CCDC171: variants seen among roughly 807,000 people sequenced by gnomAD.
CCDC171 encodes coiled-coil domain-containing protein 171.
In CCDC171, 177 loss-of-function variants were observed where a neutral mutation model predicts 168.2. The ratio of observed to expected loss-of-function variants is 1.05; its 90% CI spans 0.93 to 1.19. CCDC171 has a LOEUF of 1.19. Ranked by LOEUF, CCDC171 falls within the 50% of genes most tolerant of loss-of-function variation. CCDC171 has a pLI of 0.00. For missense variants in CCDC171, 1,991 were observed against 1,539.0 expected, an observed-to-expected ratio of 1.29 and a Z score of -4.91; for synonymous variants, 687 against 540.8, an observed-to-expected ratio of 1.27 and a Z score of -3.75.
chr9:15,754,622 T>G (rs939598188), intron 18 of CCDC171, among the ~76,000 whole-genome samples: 2 of 152,130 alleles, frequency 1.3e-5, no homozygotes, highest in Non-Finnish European at 2.9e-5. Context: ...GGCAATACTT[T>G]AGGGTTAAGC....
At chr9:15,679,532 C>T (rs570682258) in intron 10 of CCDC171, among the ~76,000 whole-genome samples, 2 of 152,176 alleles carry the variant, frequency 1.3e-5, no homozygotes, top group East Asian at 3.9e-4. Flanking sequence ...TTAGAGTGCT[C>T]CTTGTTTTCT....
chr9:15,569,731 C>G (rs2040049888), intron 2 of CCDC171, among the ~76,000 whole-genome samples: 1 of 151,498 alleles, frequency 6.6e-6, no homozygotes, highest in Admixed American at 6.6e-5. Context: ...AGGAGAATGG[C>G]GTGAACCCGG....
At chr9:15,728,925 C>T (rs1202644513) in intron 15 of CCDC171, among the ~76,000 whole-genome samples, 4 of 151,928 alleles carry the variant, frequency 2.6e-5, no homozygotes, top group Non-Finnish European at 5.9e-5. Flanking sequence ...TATTATTGAG[C>T]ATTTTATCTT....
intron 18 of CCDC171, among the ~76,000 whole-genome samples, chr9:15,773,017 A>G (rs893981420): frequency 6.6e-6 from 1 of 151,900 alleles, no homozygotes; most frequent in African/African-American, 2.4e-5. Context: ...TTATTACAAT[A>G]TTAGTAATTA....
intron 7 of CCDC171, 60 bp downstream of exon 7, chr9:15,623,473 G>GCTCACACACACACA: frequency 2.2e-6 from 1 of 464,174 alleles, no homozygotes; most frequent in Non-Finnish European, 3.6e-6. Context: ...ATGCGCGCGC[G>GCTCACACACACACA]CGCACACACA....
At chr9:16,073,138 G>C in the CCDC171 span, among the ~76,000 whole-genome samples, 33 of 152,324 alleles carry the variant, frequency 2.2e-4, no homozygotes, top group East Asian at 6.4e-3. Flanking sequence ...GATTGGAACT[G>C]AAGACTGGGT....
downstream of CCDC171, among the ~76,000 whole-genome samples, chr9:16,064,608 A>G (rs554821517): frequency 2.3e-4 from 35 of 152,250 alleles, no homozygotes; most frequent in African/African-American, 7.9e-4. Flanking sequence ...CTTGGCTCTC[A>G]ATGAGGATCT....
At chr9:15,806,814 T>C (rs534842143) in intron 21 of CCDC171, among the ~76,000 whole-genome samples, 6 of 152,320 alleles carry the variant, frequency 3.9e-5, no homozygotes, top group African/African-American at 7.2e-5. Context: ...TCTTGAAATA[T>C]GTTTCCTGAC....
rs1340733925 is a variant in CCDC171 at position 15,820,486 on chromosome 9, T to G, written c.3268-26216T>G. On this transcript the variant is annotated intron_variant, in intron 21 of 25. Coordinates refer to ENST00000380701, the MANE Select transcript of CCDC171 (RefSeq NM_173550.4). ...AGAGAGAAGAATCAAATAGATGCAATAAAAAATGATAAAGGGGATATCACC... is the reference window on the plus strand; with the variant it reads ...AGAGAGAAGAATCAAATAGATGCAAGAAAAAATGATAAAGGGGATATCACC... 6.9e-5 allele frequency among the ~76,000 whole-genome samples: 8 copies of G among 115,530 alleles called. 1 individual carries two copies. Among genetic ancestry groups the G allele is most frequent in the African/African-American group, 1.3e-4 (4 of 30,412 alleles). The allele number at this position is 115,530 out of a possible 152,430, so 75.8% of individuals were successfully genotyped here.
At chr9:15,643,023 A>G (rs1051251648) in intron 7 of CCDC171, among the ~76,000 whole-genome samples, 5 of 152,096 alleles carry the variant, frequency 3.3e-5, no homozygotes, top group Non-Finnish European at 7.4e-5. Flanking sequence ...TAAAATTGTT[A>G]GCCTTGTTTT....
At chr9:15,699,420 C>G (rs1347348898) in intron 11 of CCDC171, among the ~76,000 whole-genome samples, 1 of 152,070 alleles carries the variant, frequency 6.6e-6, no homozygotes, top group Non-Finnish European at 1.5e-5. Flanking sequence ...TGGAAGGGGA[C>G]CCGAGCGGGT....
chr9:15,963,175 C>T (rs1830503909), intron 25 of CCDC171, among the ~76,000 whole-genome samples: 1 of 151,928 alleles, frequency 6.6e-6, no homozygotes. Flanking sequence ...ACACCGGGGC[C>T]TGTTGTGGGG....
At chr9:15,835,693 C>T (rs2060415594) in intron 21 of CCDC171, among the ~76,000 whole-genome samples, 1 of 152,164 alleles carries the variant, frequency 6.6e-6, no homozygotes, top group Non-Finnish European at 1.5e-5. Context: ...TCCCAAGGTG[C>T]TGGGATTACA....
intron 7 of CCDC171, among the ~76,000 whole-genome samples, chr9:15,640,037 C>A (rs1352310250): frequency 6.6e-5 from 10 of 152,056 alleles, no homozygotes; most frequent in Admixed American, 6.6e-5. Flanking sequence ...AGTAGGTACT[C>A]TATAAATGTT....
intron 11 of CCDC171, among the ~76,000 whole-genome samples, chr9:15,721,173 G>T (rs1460829400): frequency 6.6e-6 from 1 of 152,142 alleles, no homozygotes; most frequent in Non-Finnish European, 1.5e-5. Flanking sequence ...TGTAGGCTAT[G>T]TAGATAATAG....
At chr9:15,868,611 A>C (rs1407965902) in intron 23 of CCDC171, among the ~76,000 whole-genome samples, 7 of 152,056 alleles carry the variant, frequency 4.6e-5, no homozygotes, top group Non-Finnish European at 1.0e-4. Context: ...AACCACTTTT[A>C]TGAAACAAAC....
chr9:15,663,441 C>A (rs1304319149), intron 8 of CCDC171, among the ~76,000 whole-genome samples: 1 of 151,784 alleles, frequency 6.6e-6, no homozygotes, highest in African/African-American at 2.4e-5. Flanking sequence ...TTGTCCCTCC[C>A]ATTCCTCTAC....
chr9:15,626,751 T>A (rs1414341105), intron 7 of CCDC171, among the ~76,000 whole-genome samples: 1 of 152,236 alleles, frequency 6.6e-6, no homozygotes, highest in East Asian at 1.9e-4. Context: ...TCAATGTTCA[T>A]CAGGGATATT....
intron 7 of CCDC171, among the ~76,000 whole-genome samples, chr9:15,638,650 C>G (rs1391759534): frequency 6.6e-6 from 1 of 151,204 alleles, no homozygotes; most frequent in African/African-American, 2.4e-5. Flanking sequence ...TGTGCCTGAG[C>G]CAAAGAAGTT....
Sources: gnomAD v4.1 joint callset for allele counts (sites outside exome capture counted in the v4.1 genomes callset) on GRCh38, gnomAD v4.1.1 for gene constraint, MANE v1.5 for transcripts, NCBI Gene and HGNC (gene_info 2026-07-23, HGNC 2026-07-21) for gene names.